Variants in SLC30A7 observed in about 807,000 individuals in gnomAD.
SLC30A7 encodes the protein zinc transporter 7.
In SLC30A7, 35 loss-of-function variants were observed where a neutral mutation model predicts 46.0. The ratio of observed to expected loss-of-function variants is 0.76; its 90% CI spans 0.58 to 1.01. The LOEUF is 1.01. Among genes scored for constraint, SLC30A7 ranks in the 50% least tolerant of loss-of-function variants. The probability of loss-of-function intolerance (pLI) is 0.00; values close to 1 mark genes in which losing one functional copy is unlikely to be tolerated. For synonymous variants in SLC30A7, 147 were observed against 157.8 expected (o/e 0.93, Z 0.51); for missense variants, 464 against 451.1 (o/e 1.03, Z -0.26).
intron 6 of SLC30A7, among the ~76,000 whole-genome samples, chr1:100,915,190 TTCTTTTC>T (rs1358046996): frequency 6.4e-5 from 9 of 140,372 alleles, no homozygotes; most frequent in Non-Finnish European, 1.4e-4. Flanking sequence ...TTTCTTTTCT[TTCTTTTC>T]TTTCTTTCTT....
chr1:100,990,179 A>G, the SLC30A7 span: 2 of 521,964 alleles, frequency 3.8e-6, no homozygotes, highest in Non-Finnish European at 6.9e-6. Flanking sequence ...AGTGAGAATG[A>G]GAGCCAGTAG....
intron 7 of SLC30A7, among the ~76,000 whole-genome samples, chr1:100,919,412 T>G (rs1329659137): frequency 6.6e-6 from 1 of 152,204 alleles, no homozygotes; most frequent in Non-Finnish European, 1.5e-5. Flanking sequence ...TTGTCTTCAC[T>G]ATTTCTTTAT....
intron 8 of SLC30A7, among the ~76,000 whole-genome samples, chr1:100,942,851 T>A (rs1044223730): frequency 6.6e-6 from 1 of 152,178 alleles, no homozygotes; most frequent in Non-Finnish European, 1.5e-5. Context: ...GGGCAGTTAA[T>A]CTACAGTGAA....
In SLC30A7 at chr1:100,948,571, T is replaced by G. The variant is rs1367917210; in HGVS notation, c.843-13257T>G. On this transcript the variant is annotated intron_variant, in intron 8 of 10. Transcript: ENST00000357650. ...TCTTTGTGGTGTTCTTTATATTTCCTGAATTTGTATGTTGGCCTGCCTTGC... is the reference window on the plus strand; with the variant it reads ...TCTTTGTGGTGTTCTTTATATTTCCGGAATTTGTATGTTGGCCTGCCTTGC... 2.6e-5 allele frequency among the ~76,000 whole-genome samples: 4 copies of G among 152,226 alleles called. No individual in the cohort carries two copies. The East Asian group carries it at 7.7e-4, about 29-fold the overall frequency.
At chr1:100,940,076 A>C (rs1654252890) in intron 8 of SLC30A7, among the ~76,000 whole-genome samples, 1 of 152,168 alleles carries the variant, frequency 6.6e-6, no homozygotes. Context: ...GATACCTGAA[A>C]GAGCAAGAAG....
intron 2 of SLC30A7, among the ~76,000 whole-genome samples, chr1:100,904,308 A>G (rs982724517): frequency 5.3e-5 from 8 of 152,200 alleles, no homozygotes; most frequent in African/African-American, 4.8e-5. Flanking sequence ...TGATAAGCCA[A>G]TTGGAAGAAT....
intron 2 of SLC30A7, among the ~76,000 whole-genome samples, chr1:100,897,921 A>G (rs1052382881): frequency 3.3e-5 from 5 of 152,198 alleles, no homozygotes; most frequent in Non-Finnish European, 7.4e-5. Flanking sequence ...CCATAGTATT[A>G]ACACACTTTA....
At chr1:100,915,751 A>G (rs373386801) in intron 6 of SLC30A7, among the ~76,000 whole-genome samples, 7 of 152,208 alleles carry the variant, frequency 4.6e-5, no homozygotes, top group African/African-American at 1.7e-4. Flanking sequence ...GGAAGTGCAG[A>G]TATCTCTTTG....
chr1:100,901,942 T>G (rs1243186673), intron 2 of SLC30A7, among the ~76,000 whole-genome samples: 1 of 140,352 alleles, frequency 7.1e-6, no homozygotes, highest in East Asian at 2.1e-4. Context: ...TATGCTACCT[T>G]TATTTTTTAA....
At chr1:100,987,427 C>A in the SLC30A7 span, among the ~76,000 whole-genome samples, 1 of 152,072 alleles carries the variant, frequency 6.6e-6, no homozygotes, top group African/African-American at 2.4e-5. Flanking sequence ...CTAATCTTTT[C>A]TTCTCTTTTC....
intron 8 of SLC30A7, among the ~76,000 whole-genome samples, chr1:100,959,485 A>AT (rs1292257309): frequency 6.6e-6 from 1 of 152,204 alleles, no homozygotes; most frequent in Non-Finnish European, 1.5e-5. Flanking sequence ...TCCAAGGTTC[A>AT]TTTGGGGGAG....
chr1:100,937,123 A>C, intron 8 of SLC30A7, among the ~76,000 whole-genome samples: 1 of 152,172 alleles, frequency 6.6e-6, no homozygotes, highest in Admixed American at 6.5e-5. Flanking sequence ...CCTTCTCAGT[A>C]TTCCTAAGAA....
At chr1:100,989,834 G>C in the SLC30A7 span, 1 of 153,124 alleles carries the variant, frequency 6.5e-6, no homozygotes, top group Admixed American at 6.5e-5. Context: ...AGCCTGGTCT[G>C]CTTTATGTGT....
downstream of SLC30A7, among the ~76,000 whole-genome samples, chr1:100,984,041 A>C (rs961507809): frequency 1.3e-5 from 2 of 151,862 alleles, no homozygotes; most frequent in African/African-American, 2.4e-5. Context: ...GAAGAAGGCA[A>C]AGTTACTACA....
intron 8 of SLC30A7, among the ~76,000 whole-genome samples, chr1:100,924,969 C>A (rs939304445): frequency 6.6e-6 from 1 of 152,142 alleles, no homozygotes; most frequent in African/African-American, 2.4e-5. Flanking sequence ...CTGTCTTGAT[C>A]CTATAATAGG....
chr1:100,931,161 G>C (rs1239606897), intron 8 of SLC30A7, among the ~76,000 whole-genome samples: 4 of 152,098 alleles, frequency 2.6e-5, no homozygotes, highest in Non-Finnish European at 4.4e-5. Context: ...AATTATGTAA[G>C]AATATCATTC....
chr1:100,952,681 C>T (rs1655020478), intron 8 of SLC30A7, among the ~76,000 whole-genome samples: 1 of 152,174 alleles, frequency 6.6e-6, no homozygotes. Context: ...ACCTGATGGG[C>T]CAGTTCCTAA....
At chr1:100,912,086 ATTTG>A in intron 4 of SLC30A7, 22 bp from the exon 5 acceptor site, 1 of 1,600,682 alleles carries the variant, frequency 6.2e-7, no homozygotes, top group Non-Finnish European at 8.5e-7. Context: ...TATCTATGCT[ATTTG>A]TTTGTATTAT....
intron 8 of SLC30A7, among the ~76,000 whole-genome samples, chr1:100,957,717 C>G (rs1036556400): frequency 6.6e-6 from 1 of 150,930 alleles, no homozygotes; most frequent in African/African-American, 2.4e-5. Flanking sequence ...ACTAAACTTA[C>G]GAGGTAGGTA....
Sources: allele counts gnomAD v4.1 joint callset (sites outside exome capture counted in the v4.1 genomes callset), GRCh38; gene constraint gnomAD v4.1.1; transcripts MANE v1.5; gene names NCBI Gene and HGNC (gene_info 2026-07-23, HGNC 2026-07-21).